Variants in MECOM observed in about 807,000 individuals in gnomAD.
The protein encoded by MECOM is MDS1 and EVI1 complex locus, also known as histone-lysine N-methyltransferase MECOM.
In MECOM, 13 loss-of-function variants were observed where a neutral mutation model predicts 116.3. The observed-to-expected ratio is 0.11, with a 90% CI of 0.07 to 0.18. The LOEUF (loss-of-function observed/expected upper bound fraction) is 0.18. Ranked by LOEUF, MECOM falls within the 10% of genes least tolerant of loss-of-function variation. The pLI is 1.00. For missense variants in MECOM, 1,299 were observed against 1,509.0 expected, an observed-to-expected ratio of 0.86 and a Z score of 2.31; for synonymous variants, 528 against 535.2, an observed-to-expected ratio of 0.99 and a Z score of 0.19.
At chr3:169,111,823 A>G (rs1727500048) in intron 9 of MECOM, among the ~76,000 whole-genome samples, 1 of 152,132 alleles carries the variant, frequency 6.6e-6, no homozygotes, top group Non-Finnish European at 1.5e-5. Flanking sequence ...AAAGGAAAAA[A>G]GAACCATATC....
intron 1 of MECOM, among the ~76,000 whole-genome samples, chr3:169,657,216 G>T (rs1290908029): frequency 2.0e-5 from 3 of 152,164 alleles, no homozygotes; most frequent in African/African-American, 7.2e-5. Flanking sequence ...CACAGTCAAG[G>T]CTCCCTTTAG....
intron 2 of MECOM, among the ~76,000 whole-genome samples, chr3:169,317,440 G>T (rs1197927616): frequency 6.6e-6 from 1 of 152,062 alleles, no homozygotes; most frequent in Non-Finnish European, 1.5e-5. Context: ...TCACTGAAAG[G>T]TTTCACTTGA....
intron 2 of MECOM, among the ~76,000 whole-genome samples, chr3:169,366,883 T>G (rs1474895824): frequency 1.3e-5 from 2 of 151,994 alleles, no homozygotes; most frequent in Non-Finnish European, 2.9e-5. Flanking sequence ...ATGAACTGAC[T>G]GGCCAATAGC....
intron 1 of MECOM, among the ~76,000 whole-genome samples, chr3:169,477,999 C>G (rs1171803475): frequency 1.3e-5 from 2 of 152,172 alleles, no homozygotes; most frequent in African/African-American, 4.8e-5. Context: ...CTCTTGCCAA[C>G]ATAATTAAGG....
chr3:169,323,461 G>A (rs944808548), intron 2 of MECOM, among the ~76,000 whole-genome samples: 1 of 152,116 alleles, frequency 6.6e-6, no homozygotes, highest in African/African-American at 2.4e-5. Flanking sequence ...GCATTTGGAC[G>A]GCCTATGAAT....
chr3:169,235,524 T>C (rs1753928174), intron 2 of MECOM, among the ~76,000 whole-genome samples: 1 of 151,996 alleles, frequency 6.6e-6, no homozygotes, highest in African/African-American at 2.4e-5. Context: ...GTGTTTACTA[T>C]TCCTGAAAAA....
At chr3:169,265,665 G>A (rs926958919) in intron 2 of MECOM, among the ~76,000 whole-genome samples, 2 of 152,130 alleles carry the variant, frequency 1.3e-5, no homozygotes, top group Non-Finnish European at 2.9e-5. Context: ...ACTAAAAGCG[G>A]GAGAATAAAA....
chr3:169,324,232 G>A (rs1338168319), intron 2 of MECOM, among the ~76,000 whole-genome samples: 3 of 152,262 alleles, frequency 2.0e-5, no homozygotes, highest in Non-Finnish European at 2.9e-5. Context: ...CTGGGAGGTG[G>A]GTATTATTGT....
At chr3:169,422,428 T>C (rs571935818) in intron 1 of MECOM, among the ~76,000 whole-genome samples, 1 of 152,258 alleles carries the variant, frequency 6.6e-6, no homozygotes, top group Non-Finnish European at 1.5e-5. Context: ...AATATGTTAT[T>C]CATATAATAC....
intron 1 of MECOM, among the ~76,000 whole-genome samples, chr3:169,657,564 C>T (rs772698097): frequency 4.6e-5 from 7 of 152,176 alleles, no homozygotes; most frequent in Non-Finnish European, 8.8e-5. Flanking sequence ...ACAGAATTGG[C>T]AAGAAGCCAG....
In MECOM at chr3:169,118,966, G is replaced by A. The variant is rs112146359; in HGVS notation, c.1132+2090C>T. Among the ~76,000 whole-genome samples the A allele has an allele frequency of 3.0e-3, 457 of 152,290 alleles. 1 individual carries two copies. The highest frequency in any genetic ancestry group is 4.4e-3 in the Non-Finnish European group (298 of 68,028). On this transcript the variant is annotated intron_variant, in intron 7 of 16. Coordinates refer to ENST00000651503, the MANE Select transcript of MECOM (RefSeq NM_004991.4). ...TTGATGTTGAAGTTTATACTCTACT[G>A]TAATTTTCTCAGTAATAAGGAATTA...
chr3:169,267,540 G>A (rs1247373671), intron 2 of MECOM, among the ~76,000 whole-genome samples: 5 of 152,126 alleles, frequency 3.3e-5, no homozygotes, highest in African/African-American at 1.2e-4. Context: ...GTGGGGCTGA[G>A]GGGGTGGGCA....
intron 1 of MECOM, among the ~76,000 whole-genome samples, chr3:169,451,316 T>C (rs1040113255): frequency 1.3e-5 from 2 of 151,230 alleles, no homozygotes; most frequent in Non-Finnish European, 2.9e-5. Context: ...ATTTAAAAAG[T>C]ATTCTGTAAA....
Position 169,102,198 on chromosome 3 carries a change from T to C in MECOM, c.2633A>G (p.Lys878Arg). The C allele has an allele frequency of 6.2e-7, 1 of 1,613,446 alleles. No individual in the cohort carries two copies. Among genetic ancestry groups the C allele is most frequent in the South Asian group, 1.1e-5 (1 of 90,974 alleles). The change falls in exon 11 of 17, where the codon AAG becomes AGG. Residue 878 changes from lysine (K) to arginine (R), a missense_variant. Coordinates refer to ENST00000651503, the MANE Select transcript of MECOM (RefSeq NM_004991.4). ...TTTCAGGGCACTGAAGCTCTCTAGC[T>C]TTTCTGCCATGTTTTCAATAGCTGA... ...WMSAIENMAE[K>R]LESFSALKPE...
intron 1 of MECOM, among the ~76,000 whole-genome samples, chr3:169,417,244 C>G (rs1251401227): frequency 4.7e-5 from 7 of 149,996 alleles, no homozygotes; most frequent in African/African-American, 1.7e-4. Context: ...CTACAATGAA[C>G]TCAAACAAAT....
intron 2 of MECOM, among the ~76,000 whole-genome samples, chr3:169,336,409 G>A (rs1723595919): frequency 6.6e-6 from 1 of 151,698 alleles, no homozygotes; most frequent in African/African-American, 2.4e-5. Flanking sequence ...ATTTAATATT[G>A]TAAAGCATTG....
At chr3:169,193,857 A>G (rs1243468063) in intron 2 of MECOM, among the ~76,000 whole-genome samples, 29 of 152,006 alleles carry the variant, frequency 1.9e-4, no homozygotes. Flanking sequence ...CATGTTTAAG[A>G]CTAAAGAGAA....
chr3:169,605,069 A>G (rs1329071735), intron 1 of MECOM, among the ~76,000 whole-genome samples: 1 of 152,172 alleles, frequency 6.6e-6, no homozygotes, highest in Non-Finnish European at 1.5e-5. Flanking sequence ...GCAACATTAT[A>G]CGGATGGAAG....
At chr3:169,640,660 A>C (rs1272716381) in intron 1 of MECOM, among the ~76,000 whole-genome samples, 1 of 152,250 alleles carries the variant, frequency 6.6e-6, no homozygotes, top group Non-Finnish European at 1.5e-5. Flanking sequence ...ATATGACGTC[A>C]TGGAAACATC....
Sources: gnomAD v4.1 joint callset for allele counts (sites outside exome capture counted in the v4.1 genomes callset) on GRCh38, gnomAD v4.1.1 for gene constraint, MANE v1.5 for transcripts, NCBI Gene and HGNC (gene_info 2026-07-23, HGNC 2026-07-21) for gene names.